Variants in GSDMC observed in about 807,000 individuals in gnomAD.
GSDMC encodes the protein gasdermin C, also known as gasdermin-C.
Under a neutral mutation model 58.0 loss-of-function variants are expected in GSDMC, and 59 were observed. That is an observed-to-expected ratio of 1.02 (90% confidence interval 0.82 to 1.26). GSDMC has a LOEUF of 1.26. GSDMC is among the 50% of genes most tolerant of loss of function. The pLI, the probability that GSDMC is intolerant of heterozygous loss-of-function variation, is 0.00. For synonymous variants in GSDMC, 241 were observed against 220.2 expected (o/e 1.09, Z -0.83); for missense variants, 659 against 598.5 (o/e 1.10, Z -1.06).
At chr8:129,719,894 A>T in the GSDMC span, among the ~76,000 whole-genome samples, 1 of 152,134 alleles carries the variant, frequency 6.6e-6, no homozygotes, top group East Asian at 1.9e-4. Flanking sequence ...GCAGTGAGCC[A>T]GTATCACTTC....
chr8:129,713,970 T>C, the GSDMC span, among the ~76,000 whole-genome samples: 4 of 152,126 alleles, frequency 2.6e-5, no homozygotes, highest in African/African-American at 9.7e-5. Flanking sequence ...GTAAAGATGT[T>C]TGGAGCAGAC....
chr8:129,708,028 G>C, the GSDMC span, among the ~76,000 whole-genome samples: 1 of 152,156 alleles, frequency 6.6e-6, no homozygotes, highest in African/African-American at 2.4e-5. Flanking sequence ...GAATGTCCCA[G>C]TGTGAATGGC....
chr8:129,713,929 G>A, the GSDMC span, among the ~76,000 whole-genome samples: 4 of 152,180 alleles, frequency 2.6e-5, no homozygotes, highest in African/African-American at 9.7e-5. Flanking sequence ...GGCCTCGGGT[G>A]GAAAAAGGTC....
the GSDMC span, chr8:129,729,185 C>T: frequency 1.5e-6 from 1 of 661,782 alleles, no homozygotes; most frequent in South Asian, 1.4e-5. Flanking sequence ...TATGTGTCAG[C>T]AATAAGCTGC....
intron 5 of GSDMC, among the ~76,000 whole-genome samples, chr8:129,761,994 G>A (rs1442935621): frequency 6.6e-6 from 1 of 152,136 alleles, no homozygotes; most frequent in East Asian, 1.9e-4. Flanking sequence ...TCAGCATTTG[G>A]GAAGGGAGAA....
chr8:129,776,372 T>C lies in GSDMC; in HGVS notation c.221-87A>G, dbSNP rs73712955. 5,951 of 1,051,294 alleles carry C rather than the reference T, an allele frequency of 5.7e-3. 195 individuals are homozygous for C. The African/African-American group carries it at 0.076, about 13-fold the overall frequency. The allele number at this position is 1,051,294 out of a possible 1,614,324, so 65.1% of individuals were successfully genotyped here. A position where few individuals can be genotyped will look rare whatever the true frequency, so the allele number is the denominator to read the frequency against. Reference sequence around the variant, plus strand: ...AGCCAAGAACAGCTGGTGTGCAAAATGAAATAACAAAGACCTATTTTGCCC... The same window carrying C: ...AGCCAAGAACAGCTGGTGTGCAAAACGAAATAACAAAGACCTATTTTGCCC... On this transcript the variant is annotated intron_variant, in intron 2 of 13. Transcript: ENST00000276708.
At chr8:129,768,381 C>T (rs2033937730) in intron 3 of GSDMC, among the ~76,000 whole-genome samples, 1 of 152,166 alleles carries the variant, frequency 6.6e-6, no homozygotes, top group Non-Finnish European at 1.5e-5. Context: ...GCTCCAATGA[C>T]TGACTCTAAA....
chr8:129,777,770 G>A (rs1470351896), intron 1 of GSDMC, among the ~76,000 whole-genome samples, 179 bp from the exon 2 acceptor site: 1 of 152,062 alleles, frequency 6.6e-6, no homozygotes, highest in Non-Finnish European at 1.5e-5. Context: ...TGTTGTTTTT[G>A]AGACAGGGTC....
chr8:129,713,281 G>C, the GSDMC span, among the ~76,000 whole-genome samples: 4 of 152,196 alleles, frequency 2.6e-5, no homozygotes, highest in Admixed American at 6.5e-5. Context: ...CTTCACAGCT[G>C]TGTGTCTGTT....
the GSDMC span, among the ~76,000 whole-genome samples, chr8:129,738,909 C>T: frequency 6.6e-6 from 1 of 152,244 alleles, no homozygotes; most frequent in Non-Finnish European, 1.5e-5. Flanking sequence ...TTGAAAAACT[C>T]ACTTAAGGCA....
At chr8:129,745,345 C>T (rs1007958536), downstream of GSDMC, among the ~76,000 whole-genome samples, 1 of 152,178 alleles carries the variant, frequency 6.6e-6, no homozygotes, top group African/African-American at 2.4e-5. Flanking sequence ...CTCCTCTTCA[C>T]TCAACCTCTA....
the GSDMC span, among the ~76,000 whole-genome samples, chr8:129,718,538 G>T: frequency 6.6e-6 from 1 of 152,212 alleles, no homozygotes; most frequent in African/African-American, 2.4e-5. Flanking sequence ...AACAACAGAT[G>T]CTGGAGAGGA....
intron 6 of GSDMC, among the ~76,000 whole-genome samples, chr8:129,756,609 T>C (rs751324835): frequency 6.6e-6 from 1 of 152,154 alleles, no homozygotes; most frequent in African/African-American, 2.4e-5. Context: ...CACATTTTTT[T>C]CTCCTCAGCA....
chr8:129,728,998 T>C, the GSDMC span: 2 of 662,398 alleles, frequency 3.0e-6, no homozygotes, highest in Non-Finnish European at 5.7e-6. Flanking sequence ...ACCAAGAGCT[T>C]GCTGCACGAT....
chr8:129,726,693 T>C, the GSDMC span, among the ~76,000 whole-genome samples: 2 of 152,170 alleles, frequency 1.3e-5, no homozygotes, highest in Non-Finnish European at 2.9e-5. Context: ...TTCCATACTG[T>C]GCGTGGACGA....
At chr8:129,764,874 T>A (rs1291670930) in intron 4 of GSDMC, among the ~76,000 whole-genome samples, 1 of 152,316 alleles carries the variant, frequency 6.6e-6, no homozygotes, top group African/African-American at 2.4e-5. Flanking sequence ...TTCTAGACTT[T>A]CTTCCCTGCT....
Position 129,749,537 on chromosome 8 carries a change from G to A in GSDMC, c.1214-12C>T, listed in dbSNP as rs769504731. The A allele has an allele frequency of 8.7e-6, 14 of 1,604,410 alleles. No individual in the cohort carries two copies. Among genetic ancestry groups the A allele is most frequent in the African/African-American group, 2.7e-5 (2 of 74,686 alleles). On this transcript the variant is annotated splice_polypyrimidine_tract_variant and intron_variant, in intron 12 of 13. Coordinates refer to ENST00000276708, the MANE Select transcript of GSDMC (RefSeq NM_031415.3). ...GAAGTCACTCAGCACTGAGGGTGGG[G>A]GACATGTGGGGAAAGACAGTAGTGA...
intron 1 of GSDMC, among the ~76,000 whole-genome samples, chr8:129,784,122 C>T (rs2034491606): frequency 6.6e-6 from 1 of 152,094 alleles, no homozygotes; most frequent in African/African-American, 2.4e-5. Context: ...AATGTAAAGC[C>T]TCAAACTGTG....
At chr8:129,761,372 C>G (rs2033654193) in intron 5 of GSDMC, among the ~76,000 whole-genome samples, 1 of 152,166 alleles carries the variant, frequency 6.6e-6, no homozygotes, top group South Asian at 2.1e-4. Context: ...CTGTTGTCCC[C>G]TCACAGCCAA....
Sources: gnomAD v4.1 joint callset for allele counts (sites outside exome capture counted in the v4.1 genomes callset) on GRCh38, gnomAD v4.1.1 for gene constraint, MANE v1.5 for transcripts, NCBI Gene and HGNC (gene_info 2026-07-23, HGNC 2026-07-21) for gene names.